CYB5R4: variants seen among roughly 807,000 people sequenced by gnomAD.
CYB5R4 encodes N-terminal cytochrome b5 and cytochrome b5 oxidoreductase domain-containing protein.
In CYB5R4, 55 loss-of-function variants were observed where a neutral mutation model predicts 70.2. That is an observed-to-expected ratio of 0.78 (90% CI 0.63 to 0.98). The LOEUF (loss-of-function observed/expected upper bound fraction) is 0.98, where lower values mean the gene tolerates loss of function less well. Among genes scored for constraint, CYB5R4 ranks in the 50% least tolerant of loss-of-function variants. The probability of loss-of-function intolerance (pLI) is 0.00; values close to 1 mark genes in which losing one functional copy is unlikely to be tolerated. For missense variants in CYB5R4, 562 were observed against 612.6 expected (o/e 0.92, Z 0.87); for synonymous variants, 197 against 199.5 (o/e 0.99, Z 0.11).
intron 13 of CYB5R4, 64 bp downstream of exon 13, chr6:83,940,270 A>C: frequency 7.0e-7 from 1 of 1,432,890 alleles, no homozygotes; most frequent in Non-Finnish European, 9.4e-7. Context: ...AAGGTATTCT[A>C]AATTGATTAC....
Position 83,924,592 on chromosome 6 carries a change from G to A in CYB5R4, c.814G>A (p.Gly272Ser), listed in dbSNP as rs1171051912. 1 of 1,611,834 alleles carries A rather than the reference G, an allele frequency of 6.2e-7. No individual in the cohort carries two copies. The highest frequency in any genetic ancestry group is 8.5e-7 in the Non-Finnish European group (1 of 1,179,026). ...TTCACTTATTCCAAGGAAAGATACAGGTATGCTGTGTTCTTTTGTTACGTT... is the reference window on the plus strand; with the variant it reads ...TTCACTTATTCCAAGGAAAGATACAAGTATGCTGTGTTCTTTTGTTACGTT... Reference protein sequence around the residue: ...HNSLIPRKDTGLYYRKCQLIS... With the variant: ...HNSLIPRKDTSLYYRKCQLIS... The change falls in exon 10 of 16, where the codon GGT becomes AGT. Residue 272 changes from glycine to serine, a missense_variant and splice_region_variant. Physicochemically the swap from Gly to Ser is moderately conservative, Grantham distance 56. Coordinates refer to ENST00000369681, the MANE Select transcript of CYB5R4 (RefSeq NM_016230.4).
chr6:83,894,382 C>T lies in CYB5R4; in HGVS notation c.330+760C>T, dbSNP rs73477132. Among the ~76,000 whole-genome samples the T allele has an allele frequency of 6.2e-3, 935 of 151,988 alleles. 8 individuals are homozygous for T. The highest frequency in any genetic ancestry group is 0.021 in the African/African-American group (886 of 41,468). ...GTTGTAATATTGGATTTTTATCATT[C>T]GAGATACCTGAATCAGGTTGGGTTA... On this transcript the variant is annotated intron_variant, in intron 3 of 15. Transcript: ENST00000369681.
At chr6:83,903,488 G>A (rs533350710) in intron 3 of CYB5R4, among the ~76,000 whole-genome samples, 1 of 151,908 alleles carries the variant, frequency 6.6e-6, no homozygotes, top group Non-Finnish European at 1.5e-5. Flanking sequence ...GGGTTTTTTT[G>A]GTTGTTGTTT....
chr6:83,909,967 C>G (rs2099464426), intron 4 of CYB5R4: 13 of 1,483,124 alleles, frequency 8.8e-6, no homozygotes, highest in African/African-American at 2.8e-5. Context: ...GAGAAACCAT[C>G]TTATATGCAT....
At chr6:83,871,036 G>A (rs2099457536) in intron 2 of CYB5R4, among the ~76,000 whole-genome samples, 1 of 143,956 alleles carries the variant, frequency 6.9e-6, no homozygotes, top group Admixed American at 7.1e-5. Context: ...GAGTGCAATG[G>A]CACGATCTCG....
chr6:83,955,191 A>G (rs1378898644), intron 14 of CYB5R4, 107 bp from the exon 15 acceptor site: 85 of 847,476 alleles, frequency 1.0e-4, no homozygotes, highest in Non-Finnish European at 1.3e-4. Flanking sequence ...GTGTATCTTT[A>G]TATATTAAAT....
At chr6:83,923,037 T>C (rs1314414045) in intron 9 of CYB5R4, among the ~76,000 whole-genome samples, 1 of 151,884 alleles carries the variant, frequency 6.6e-6, no homozygotes, top group Non-Finnish European at 1.5e-5. Context: ...CCTTTCTTTT[T>C]TTTCTCCTTA....
At chr6:83,892,057 T>C (rs184457717) in intron 2 of CYB5R4, among the ~76,000 whole-genome samples, 1 of 152,338 alleles carries the variant, frequency 6.6e-6, no homozygotes, top group East Asian at 1.9e-4. Context: ...CTCACGTTTT[T>C]GGTCTCTGGA....
chr6:83,952,499 T>G (rs532257069), intron 14 of CYB5R4, among the ~76,000 whole-genome samples: 2 of 152,142 alleles, frequency 1.3e-5, no homozygotes, highest in Non-Finnish European at 2.9e-5. Context: ...AGCGGGAAAA[T>G]AAATCTGGGT....
chr6:83,956,445 T>A (rs2099472439), intron 15 of CYB5R4, among the ~76,000 whole-genome samples: 1 of 152,150 alleles, frequency 6.6e-6, no homozygotes, highest in South Asian at 2.1e-4. Context: ...ATTGGTTGAG[T>A]TTGTCTAAAG....
At chr6:83,870,756 C>T (rs2129128729) in intron 2 of CYB5R4, among the ~76,000 whole-genome samples, 1 of 151,910 alleles carries the variant, frequency 6.6e-6, no homozygotes, top group East Asian at 1.9e-4. Context: ...AGATTAAAAC[C>T]CACTGTATTT....
At chr6:83,959,383 CAT>C (rs1314953929) in intron 15 of CYB5R4, among the ~76,000 whole-genome samples, 1 of 151,972 alleles carries the variant, frequency 6.6e-6, no homozygotes, top group Non-Finnish European at 1.5e-5. Flanking sequence ...GACATAAAGA[CAT>C]ATTATTAAGG....
intron 1 of CYB5R4, among the ~76,000 whole-genome samples, chr6:83,863,915 A>G (rs2099456358): frequency 6.6e-6 from 1 of 152,166 alleles, no homozygotes; most frequent in Non-Finnish European, 1.5e-5. Context: ...GGATTTTGGT[A>G]TAGGGTAGGG....
chr6:83,934,623 T>C lies in CYB5R4; in HGVS notation c.843T>C (p.Ile281=). The stretch of plus-strand genomic sequence containing the variant: ...TGTACTACAGAAAGTGCCAGTTAAT[T>C]TCCAAGGAAGATGTTACTCATGATA... ...TGLYYRKCQL[I]SKEDVTHDTR... Residue 281 remains isoleucine, a synonymous_variant, in exon 11 of 16, where the codon ATT becomes ATC. Transcript: ENST00000369681. 1.2e-6 allele frequency: 2 copies of C among 1,612,182 alleles called. No individual in the cohort carries two copies. The highest frequency in any genetic ancestry group is 1.1e-5 in the South Asian group (1 of 90,924).
In CYB5R4 at chr6:83,941,712, T is replaced by A. The variant is rs556027833; in HGVS notation, c.1346+1111T>A. Among the ~76,000 whole-genome samples, 3 of 152,370 alleles carry A rather than the reference T, an allele frequency of 2.0e-5. No homozygotes were observed. In the South Asian group the frequency reaches 6.2e-4, roughly 32 times the overall value. ...CACCTGAATTTATTTATCCTTGAAG[T>A]ATTTACTATTCTTTACATACTAAAA... is the stretch of plus-strand genomic sequence containing the variant. On this transcript the variant is annotated intron_variant, in intron 14 of 15. Coordinates refer to ENST00000369681, the MANE Select transcript of CYB5R4 (RefSeq NM_016230.4).
At chr6:83,918,836 T>C (rs751993992) in intron 6 of CYB5R4, among the ~76,000 whole-genome samples, 1 of 152,122 alleles carries the variant, frequency 6.6e-6, no homozygotes, top group Admixed American at 6.5e-5. Flanking sequence ...TTATTTCATA[T>C]ACAATTTTAA....
chr6:83,932,676 T>C (rs1285995144), intron 10 of CYB5R4, among the ~76,000 whole-genome samples: 1 of 152,168 alleles, frequency 6.6e-6, no homozygotes, highest in Non-Finnish European at 1.5e-5. Flanking sequence ...CCTCTGTATC[T>C]AGAACCATGA....
intron 2 of CYB5R4, among the ~76,000 whole-genome samples, chr6:83,874,908 C>T (rs536782094): frequency 1.5e-4 from 23 of 151,998 alleles, no homozygotes; most frequent in South Asian, 1.0e-3. Context: ...CTGCAACCTC[C>T]GCCTCCCAGG....
chr6:83,895,230 A>G (rs552259170), intron 3 of CYB5R4, among the ~76,000 whole-genome samples: 14 of 152,072 alleles, frequency 9.2e-5, no homozygotes, highest in African/African-American at 3.4e-4. Flanking sequence ...CAGTGGTGTG[A>G]TCTTGGATCA....
Sources: gnomAD v4.1 joint callset for allele counts (sites outside exome capture counted in the v4.1 genomes callset) on GRCh38, gnomAD v4.1.1 for gene constraint, MANE v1.5 for transcripts, NCBI Gene and HGNC (gene_info 2026-07-23, HGNC 2026-07-21) for gene names.